The following SULT1C3 variants were observed in gnomAD, a reference collection of about 807,000 sequenced individuals.
SULT1C3 encodes sulfotransferase family 1C member 3.
Under a neutral mutation model 28.4 loss-of-function variants are expected in SULT1C3, and 31 were observed. That is an observed-to-expected ratio of 1.09 (90% CI 0.82 to 1.47). The LOEUF (loss-of-function observed/expected upper bound fraction) is 1.47, where lower values mean the gene tolerates loss of function less well. Ranked by LOEUF, SULT1C3 falls within the 40% of genes most tolerant of loss-of-function variation. SULT1C3 has a pLI of 0.00. For synonymous variants in SULT1C3, 106 were observed against 92.2 expected (o/e 1.15, Z -0.86); for missense variants, 307 against 272.5 (o/e 1.13, Z -0.89).
At chr2:108,256,770 A>C (rs1470739243) in intron 5 of SULT1C3, among the ~76,000 whole-genome samples, 1 of 152,126 alleles carries the variant, frequency 6.6e-6, no homozygotes, top group Non-Finnish European at 1.5e-5. Flanking sequence ...AATAAATAAT[A>C]ATTTCCATCA....
Position 108,258,680 on chromosome 2 carries a change from A to G in SULT1C3, c.527-54A>G, listed in dbSNP as rs575383890. The G allele has an allele frequency of 2.3e-6, 3 of 1,324,770 alleles. No individual in the cohort carries two copies. In the East Asian group the frequency reaches 7.1e-5, roughly 31 times the overall value. The allele number at this position is 1,324,770 out of a possible 1,614,324, so 82.1% of individuals were successfully genotyped here. A position where few individuals can be genotyped will look rare whatever the true frequency, so the allele number is the denominator to read the frequency against. ...TCAAAGGAGCACTAATTTACTTTATAGCCTTGGGTTTTGTCCCAGTACTGG... is the reference window on the plus strand; with the variant it reads ...TCAAAGGAGCACTAATTTACTTTATGGCCTTGGGTTTTGTCCCAGTACTGG... On this transcript the variant is annotated intron_variant, in intron 5 of 7. Coordinates refer to ENST00000681802, the MANE Select transcript of SULT1C3 (RefSeq NM_001320878.2).
chr2:108,260,423 T>G, intron 7 of SULT1C3, 145 bp from the exon 8 acceptor site: 1 of 325,492 alleles, frequency 3.1e-6, no homozygotes, highest in South Asian at 2.6e-5. Flanking sequence ...GAGGGACCAT[T>G]CATAGTGGAA....
downstream of SULT1C3, among the ~76,000 whole-genome samples, chr2:108,262,551 C>A (rs1573228625): frequency 6.6e-6 from 1 of 152,024 alleles, no homozygotes; most frequent in East Asian, 1.9e-4. Context: ...GGGTTTTGGG[C>A]AAAGCATTTT....
At chr2:108,243,058 C>A (rs948213651) in intron 1 of SULT1C3, among the ~76,000 whole-genome samples, 1 of 152,100 alleles carries the variant, frequency 6.6e-6, no homozygotes, top group Non-Finnish European at 1.5e-5. Flanking sequence ...TTCAATTTTA[C>A]AAAAAGTAAC....
At chr2:108,262,312 G>A (rs575554757), downstream of SULT1C3, among the ~76,000 whole-genome samples, 13 of 152,198 alleles carry the variant, frequency 8.5e-5, no homozygotes, top group Non-Finnish European at 1.6e-4. Flanking sequence ...GGAGGAGGCA[G>A]ATTAAAGGAA....
intron 1 of SULT1C3, among the ~76,000 whole-genome samples, chr2:108,244,535 A>G (rs922340919): frequency 6.6e-6 from 1 of 152,030 alleles, no homozygotes; most frequent in Non-Finnish European, 1.5e-5. Flanking sequence ...TAGGAGACAT[A>G]TTACTTATTT....
At chr2:108,259,604 C>CTGA in intron 7 of SULT1C3, among the ~76,000 whole-genome samples, 1 of 152,190 alleles carries the variant, frequency 6.6e-6, no homozygotes, top group East Asian at 1.9e-4. Flanking sequence ...TTTGTAACTA[C>CTGA]TGATATTCAT....
At chr2:108,265,286 G>C (rs768657898), downstream of SULT1C3, 29 of 1,613,878 alleles carry the variant, frequency 1.8e-5, no homozygotes, top group Non-Finnish European at 2.5e-5. Flanking sequence ...CCAAAATGAA[G>C]AATTTGACAA....
chr2:108,261,975 TG>T, downstream of SULT1C3, among the ~76,000 whole-genome samples: 1 of 152,192 alleles, frequency 6.6e-6, no homozygotes, highest in African/African-American at 2.4e-5. Flanking sequence ...AGGATGAAGA[TG>T]GGGGCATTTG....
chr2:108,242,541 G>C (rs1237795783), intron 1 of SULT1C3, among the ~76,000 whole-genome samples: 1 of 152,132 alleles, frequency 6.6e-6, no homozygotes, highest in Admixed American at 6.6e-5. Context: ...CCAAGAGCAT[G>C]CTTCTCTGAT....
chr2:108,247,428 A>T (rs527669071), intron 2 of SULT1C3, 62 bp downstream of exon 2: 1 of 1,375,050 alleles, frequency 7.3e-7, no homozygotes, highest in South Asian at 1.8e-5. Context: ...CATAATCTGT[A>T]TTGATAAATG....
At chr2:108,257,991 G>T (rs1443769594) in intron 5 of SULT1C3, among the ~76,000 whole-genome samples, 2 of 151,964 alleles carry the variant, frequency 1.3e-5, no homozygotes, top group African/African-American at 4.8e-5. Context: ...TCACACACTT[G>T]CTCACTTGGT....
chr2:108,247,193 C>T lies in SULT1C3; in HGVS notation c.-2C>T. On this transcript the variant is annotated 5_prime_UTR_variant, in exon 2 of 8. Transcript: ENST00000681802. Reference sequence around the variant, plus strand: ...ATTGATCTTACCCATCCCAGATTCCCAATGGCGAAGATTGAGAAAAACGCT... The same window carrying T: ...ATTGATCTTACCCATCCCAGATTCCTAATGGCGAAGATTGAGAAAAACGCT... 1 of 1,508,852 alleles carries T rather than the reference C, an allele frequency of 6.6e-7. No homozygotes were observed. Among genetic ancestry groups the T allele is most frequent in the Non-Finnish European group, 8.9e-7 (1 of 1,126,316 alleles). The allele number at this position is 1,508,852 out of a possible 1,614,324, so 93.5% of individuals were successfully genotyped here.
chr2:108,260,225 G>T (rs2104393528), intron 7 of SULT1C3, among the ~76,000 whole-genome samples: 1 of 152,208 alleles, frequency 6.6e-6, no homozygotes, highest in Admixed American at 6.6e-5. Flanking sequence ...AATAAGATAG[G>T]CTGTCCCCCA....
rs554344167 is a variant in SULT1C3, at chr2:108,248,462, C to A, written c.172+1096C>A. 3.4e-4 allele frequency among the ~76,000 whole-genome samples: 52 copies of A among 152,258 alleles called. 1 individual carries two copies. Among genetic ancestry groups the A allele is most frequent in the Non-Finnish European group, 6.6e-4 (45 of 68,010 alleles). ...GCAAAAGAAAAAGCCATAGCAAACT[C>A]ATTGAGTTCAAGAGCCAGGTGTAGG... On this transcript the variant is annotated intron_variant, in intron 2 of 7. Coordinates refer to ENST00000681802, the MANE Select transcript of SULT1C3 (RefSeq NM_001320878.2).
chr2:108,252,380 A>C lies in SULT1C3; in HGVS notation c.188A>C (p.His63Pro). 1.2e-6 allele frequency: 2 copies of C among 1,610,158 alleles called. No individual in the cohort carries two copies. The highest frequency in any genetic ancestry group is 1.7e-6 in the Non-Finnish European group (2 of 1,177,878). ...ATATTTTCAGGTACAACATGGATGCATGAAATTTTAGACATGATTCTAAAT... is the reference window on the plus strand; with the variant it reads ...ATATTTTCAGGTACAACATGGATGCCTGAAATTTTAGACATGATTCTAAAT... ...TYPKSGTTWM[H>P]EILDMILNDG... Residue 63 changes from histidine to proline, a missense_variant, in exon 3 of 8, where the codon CAT becomes CCT. Transcript: ENST00000681802.
chr2:108,262,789 T>C (rs550320963), downstream of SULT1C3, among the ~76,000 whole-genome samples: 2 of 152,168 alleles, frequency 1.3e-5, no homozygotes, highest in African/African-American at 2.4e-5. Context: ...TGGACTAAAC[T>C]GAGGGTCGGG....
At chr2:108,251,260 A>G (rs1219600778) in intron 2 of SULT1C3, among the ~76,000 whole-genome samples, 2 of 152,060 alleles carry the variant, frequency 1.3e-5, no homozygotes, top group Non-Finnish European at 2.9e-5. Context: ...ATTAGAAAAT[A>G]AGCAATTTGA....
At chr2:108,264,196 C>T (rs186958725), downstream of SULT1C3, among the ~76,000 whole-genome samples, 248 of 152,238 alleles carry the variant, frequency 1.6e-3, no homozygotes, top group Non-Finnish European at 3.1e-3. Flanking sequence ...TCTCATGACC[C>T]AGTGCATCAG....
Sources: allele counts gnomAD v4.1 joint callset (sites outside exome capture counted in the v4.1 genomes callset), GRCh38; gene constraint gnomAD v4.1.1; transcripts MANE v1.5; gene names NCBI Gene and HGNC (gene_info 2026-07-23, HGNC 2026-07-21).